Variants in DRC10 observed in about 807,000 individuals in gnomAD.
DRC10 encodes dynein regulatory complex subunit 10.
chr12:113,200,908 G>T, the DRC10 span: 1 of 921,258 alleles, frequency 1.1e-6, no homozygotes, highest in South Asian at 1.8e-5. Context: ...GGAGGCTGAG[G>T]TGGGTGGGTC....
the DRC10 span, among the ~76,000 whole-genome samples, chr12:113,208,922 T>G: frequency 5.9e-4 from 89 of 152,084 alleles, 1 homozygote; most frequent in East Asian, 0.015. Flanking sequence ...GATTTTAAAG[T>G]TTTTTGGTTT....
the DRC10 span, among the ~76,000 whole-genome samples, chr12:113,209,174 A>G: frequency 2.7e-5 from 4 of 146,398 alleles, no homozygotes; most frequent in Admixed American, 6.8e-5. Context: ...TTTGCCTCCC[A>G]AAGTGCTGGG....
the DRC10 span, among the ~76,000 whole-genome samples, chr12:113,198,076 G>A: frequency 6.6e-6 from 1 of 152,190 alleles, no homozygotes; most frequent in African/African-American, 2.4e-5. Flanking sequence ...AATTAGCCAG[G>A]CATGGTGATG....
chr12:113,219,675 T>A, the DRC10 span, among the ~76,000 whole-genome samples: 5 of 152,150 alleles, frequency 3.3e-5, no homozygotes, highest in East Asian at 3.8e-4. Context: ...AGTTTTTTTT[T>A]TATATATTTT....
At chr12:113,210,363 C>A in the DRC10 span, among the ~76,000 whole-genome samples, 1 of 152,092 alleles carries the variant, frequency 6.6e-6, no homozygotes, top group Non-Finnish European at 1.5e-5. Context: ...GAGAAGCCTG[C>A]ACGCTGTAAA....
At chr12:113,221,044 C>G in the DRC10 span, 1 of 407,334 alleles carries the variant, frequency 2.5e-6, no homozygotes, top group Non-Finnish European at 5.0e-6. Context: ...CCGCCGCGGT[C>G]CCTGCGTTGC....
chr12:113,195,650 C>T, the DRC10 span: 1 of 1,612,484 alleles, frequency 6.2e-7, no homozygotes, highest in Non-Finnish European at 8.5e-7. Flanking sequence ...CCTTGCCCCG[C>T]TTCTTCTTGG....
the DRC10 span, among the ~76,000 whole-genome samples, chr12:113,203,937 A>G: frequency 6.6e-6 from 1 of 152,002 alleles, no homozygotes; most frequent in African/African-American, 2.4e-5. Context: ...CCCCATCTCT[A>G]AAAAAAGAAA....
chr12:113,197,515 A>G, the DRC10 span: 1 of 1,470,982 alleles, frequency 6.8e-7, no homozygotes, highest in Middle Eastern at 1.7e-4. Flanking sequence ...AAAGCATGCG[A>G]GAGAGACTTA....
the DRC10 span, among the ~76,000 whole-genome samples, chr12:113,217,006 T>C: frequency 6.6e-6 from 1 of 152,068 alleles, no homozygotes; most frequent in Non-Finnish European, 1.5e-5. Flanking sequence ...GGAGAATCGC[T>C]TGAACCCAAG....
At chr12:113,208,529 G>C in the DRC10 span, 2 of 236,700 alleles carry the variant, frequency 8.4e-6, no homozygotes, top group Non-Finnish European at 1.6e-5. Flanking sequence ...TAAAACCAGA[G>C]ACTGGTTACA....
chr12:113,208,940 T>C, the DRC10 span, among the ~76,000 whole-genome samples: 2 of 152,266 alleles, frequency 1.3e-5, no homozygotes, highest in East Asian at 3.9e-4. Flanking sequence ...TTTGTTTGTT[T>C]ATTTGTTTTG....
At chr12:113,211,505 C>T in the DRC10 span, among the ~76,000 whole-genome samples, 62 of 152,144 alleles carry the variant, frequency 4.1e-4, no homozygotes, top group African/African-American at 1.3e-3. Context: ...GGTTCACGCC[C>T]GTAATCCCAA....
chr12:113,217,224 C>T, the DRC10 span, among the ~76,000 whole-genome samples: 1 of 152,160 alleles, frequency 6.6e-6, no homozygotes, highest in South Asian at 2.1e-4. Context: ...TTCTTTAGGT[C>T]TTAGCTCAAT....
the DRC10 span, chr12:113,206,066 A>C: frequency 6.6e-6 from 1 of 150,808 alleles, no homozygotes; most frequent in Non-Finnish European, 1.5e-5. Context: ...AATACAAAAA[A>C]AAAATTAGCT....
At chr12:113,199,849 G>A in the DRC10 span, among the ~76,000 whole-genome samples, 4 of 152,084 alleles carry the variant, frequency 2.6e-5, no homozygotes. Flanking sequence ...CTCCCAAGTA[G>A]CTGGGACTAT....
At chr12:113,220,653 G>C in the DRC10 span, among the ~76,000 whole-genome samples, 1 of 152,178 alleles carries the variant, frequency 6.6e-6, no homozygotes, top group East Asian at 1.9e-4. Flanking sequence ...GCCGTTGGGT[G>C]AAATGGGAGG....
At chr12:113,213,186 A>C in the DRC10 span, among the ~76,000 whole-genome samples, 17 of 150,754 alleles carry the variant, frequency 1.1e-4, 1 homozygote, top group East Asian at 5.8e-4. Context: ...TAAAAAAAAA[A>C]AAAAAAAAAA....
At chr12:113,219,667 T>G in the DRC10 span, among the ~76,000 whole-genome samples, 200 of 147,856 alleles carry the variant, frequency 1.4e-3, no homozygotes, top group African/African-American at 4.8e-3. Flanking sequence ...AACCTCAAAG[T>G]TTTTTTTTTA....
Sources: allele counts gnomAD v4.1 joint callset (sites outside exome capture counted in the v4.1 genomes callset), GRCh38; gene constraint gnomAD v4.1.1; transcripts MANE v1.5; gene names NCBI Gene and HGNC (gene_info 2026-07-23, HGNC 2026-07-21).